Variants in FUBP1 observed in about 807,000 individuals in gnomAD.
The protein encoded by FUBP1 is far upstream element binding protein 1, also known as far upstream element-binding protein 1.
In FUBP1, 16 loss-of-function variants were observed where a neutral mutation model predicts 94.9. The ratio of observed to expected loss-of-function variants is 0.17; its 90% CI spans 0.11 to 0.26. The LOEUF (loss-of-function observed/expected upper bound fraction) is 0.26. FUBP1 is among the 10% of genes least tolerant of loss of function. The probability of loss-of-function intolerance (pLI) is 1.00; values close to 1 mark genes in which losing one functional copy is unlikely to be tolerated. For missense variants in FUBP1, 583 were observed against 808.6 expected (o/e 0.72, Z 3.38); for synonymous variants, 279 against 254.9 (o/e 1.09, Z -0.90).
At chr1:77,959,162 T>C (rs934702680) in intron 16 of FUBP1, among the ~76,000 whole-genome samples, 1 of 152,196 alleles carries the variant, frequency 6.6e-6, no homozygotes, top group Admixed American at 6.5e-5. Context: ...GTAGAAAGTA[T>C]TCCATAATTG....
At position 77,946,312 on chromosome 1, in the gene FUBP1, TA is replaced by T. The variant is rs949021020; in HGVS notation, c.*2453del. 5.1e-4 allele frequency among the ~76,000 whole-genome samples: 70 copies of T among 135,940 alleles called. No homozygotes were observed. The highest frequency in any genetic ancestry group is 4.7e-4 in the Non-Finnish European group (29 of 61,770). The allele number at this position is 135,940 out of a possible 152,430, so 89.2% of individuals were successfully genotyped here. The stretch of plus-strand genomic sequence containing the variant: ...TCTACTCATCATTTTCTTGTCTTAA[TA>T]AAAAAAAAAAAGTAAAATAAAAAAC... On this transcript the variant is annotated 3_prime_UTR_variant, in exon 20 of 20. Transcript: ENST00000370768.
At chr1:77,959,669 G>A (rs897233473) in intron 16 of FUBP1, among the ~76,000 whole-genome samples, 29 of 152,162 alleles carry the variant, frequency 1.9e-4, no homozygotes, top group African/African-American at 6.5e-4. Context: ...TCAGCCTCAA[G>A]TACAGGCACA....
chr1:77,969,030 GGA>G, intron 2 of FUBP1: 4 of 1,258,838 alleles, frequency 3.2e-6, no homozygotes, highest in Non-Finnish European at 4.2e-6. Context: ...GCCTTTAAAA[GGA>G]GAGGGCATTC....
intron 1 of FUBP1, among the ~76,000 whole-genome samples, chr1:77,972,586 TAAA>T (rs1657772497): frequency 1.1e-5 from 1 of 92,798 alleles, no homozygotes; most frequent in Non-Finnish European, 2.1e-5. Flanking sequence ...CCACCTCTAC[TAAA>T]AATACAAAAA....
intron 1 of FUBP1, among the ~76,000 whole-genome samples, chr1:77,976,066 G>A (rs1012325243): frequency 4.6e-5 from 7 of 152,194 alleles, no homozygotes; most frequent in African/African-American, 1.7e-4. Flanking sequence ...TTGAGAGCAG[G>A]AAACTATGCC....
At chr1:77,957,185 G>A (rs1654628361) in intron 16 of FUBP1, among the ~76,000 whole-genome samples, 1 of 152,134 alleles carries the variant, frequency 6.6e-6, no homozygotes, top group Non-Finnish European at 1.5e-5. Flanking sequence ...AAAAAGATTA[G>A]CCACATTTCA....
chr1:77,979,004 T>TG lies in FUBP1; in HGVS notation c.-1dup, dbSNP rs772629959. 1.9e-6 allele frequency: 3 copies of TG among 1,610,916 alleles called. No homozygotes were observed. The Admixed American group carries it at 5.0e-5, about 27-fold the overall frequency. On this transcript the variant is annotated 5_prime_UTR_variant, in exon 1 of 20. Coordinates refer to ENST00000370768, the MANE Select transcript of FUBP1 (RefSeq NM_003902.5). The stretch of plus-strand genomic sequence containing the variant: ...GGAGGCACTGTTGAATAGTCTGCCA[T>TG]GGTTGCACTATAAGAGCCGCTGCCG...
At chr1:77,961,968 AAC>A (rs1379286255) in intron 14 of FUBP1, among the ~76,000 whole-genome samples, 3 of 152,154 alleles carry the variant, frequency 2.0e-5, no homozygotes, top group African/African-American at 7.2e-5. Context: ...AGTTGACAGA[AAC>A]AGTGTCAACC....
At chr1:77,979,271 C>G, upstream of FUBP1, 3 of 443,470 alleles carry the variant, frequency 6.8e-6, no homozygotes, top group East Asian at 1.1e-4. Context: ...TCTTTTGGCA[C>G]CTCCTCTCCG....
chr1:77,963,516 G>C (rs1655908876), intron 13 of FUBP1, 58 bp downstream of exon 13: 1 of 999,664 alleles, frequency 1.0e-6, no homozygotes, highest in Non-Finnish European at 1.5e-6. Flanking sequence ...GACAGCAACA[G>C]AAAGTGTCCA....
intron 1 of FUBP1, among the ~76,000 whole-genome samples, chr1:77,974,563 C>T (rs1415245465): frequency 6.6e-6 from 1 of 152,122 alleles, no homozygotes; most frequent in Non-Finnish European, 1.5e-5. Context: ...GCCACCTTGG[C>T]TAGCTGATTT....
At position 77,951,323 on chromosome 1, in the gene FUBP1, TA is replaced by T. The variant is rs571377112; in HGVS notation, c.1781-2024del. On this transcript the variant is annotated intron_variant, in intron 18 of 19. Coordinates refer to ENST00000370768, the MANE Select transcript of FUBP1 (RefSeq NM_003902.5). Reference sequence around the variant, plus strand: ...CTATATCCCTGTGGAAAGCTAATAGTAAACACTTTAGACTTTAAGAAAAACC... The same window carrying T: ...CTATATCCCTGTGGAAAGCTAATAGTAACACTTTAGACTTTAAGAAAAACC... 5.8e-3 allele frequency among the ~76,000 whole-genome samples: 888 copies of T among 152,356 alleles called. 4 individuals are homozygous for T. The highest frequency in any genetic ancestry group is 0.01 in the Non-Finnish European group (714 of 68,030).
In FUBP1 at chr1:77,967,718, T is replaced by C. The variant is rs1315508205; in HGVS notation, c.251-52A>G. ...ACAAAAATTCAAAATTTAAATTTAC[T>C]TATATATTTAACAACACAATCACAT... On this transcript the variant is annotated intron_variant, in intron 3 of 19. Coordinates refer to ENST00000370768, the MANE Select transcript of FUBP1 (RefSeq NM_003902.5). 7 of 1,059,534 alleles carry C rather than the reference T, an allele frequency of 6.6e-6. No individual in the cohort carries two copies. The Admixed American group carries it at 1.4e-4, about 21-fold the overall frequency. The allele number at this position is 1,059,534 out of a possible 1,614,324, so 65.6% of individuals were successfully genotyped here.
At chr1:77,959,822 A>G (rs1655128651) in intron 16 of FUBP1, among the ~76,000 whole-genome samples, 1 of 152,220 alleles carries the variant, frequency 6.6e-6, no homozygotes, top group Admixed American at 6.5e-5. Flanking sequence ...CCCCTATCAC[A>G]TACTTTTCTA....
chr1:77,975,996 TAAC>T (rs923976008), intron 1 of FUBP1, among the ~76,000 whole-genome samples: 4 of 152,210 alleles, frequency 2.6e-5, no homozygotes, highest in Middle Eastern at 3.2e-3. Context: ...CTTTTCTGAA[TAAC>T]AACTATCCAG....
In FUBP1 at chr1:77,951,999, CCTTT is replaced by C. The variant is rs982621572; in HGVS notation, c.1781-2703_1781-2700del. ...TTCACTTCTCCAAACAAGAATTACT[CCTTT>C]CTATTTTGAAACCCTGTTTGTTCTC... On this transcript the variant is annotated intron_variant, in intron 18 of 19. Coordinates refer to ENST00000370768, the MANE Select transcript of FUBP1 (RefSeq NM_003902.5). Among the ~76,000 whole-genome samples, 11 of 152,230 alleles carry C rather than the reference CCTTT, an allele frequency of 7.2e-5. 1 individual carries two copies. Among genetic ancestry groups the C allele is most frequent in the South Asian group, 6.2e-4 (3 of 4,824 alleles).
At chr1:77,972,087 A>G (rs1295138181) in intron 1 of FUBP1, among the ~76,000 whole-genome samples, 1 of 151,808 alleles carries the variant, frequency 6.6e-6, no homozygotes, top group Non-Finnish European at 1.5e-5. Context: ...CCAATTACAA[A>G]CCTGTTTTTG....
At chr1:77,955,416 G>C in intron 17 of FUBP1, 87 bp from the exon 18 acceptor site, 2 of 743,744 alleles carry the variant, frequency 2.7e-6, no homozygotes, top group South Asian at 1.5e-5. Context: ...GAGCTGGCAG[G>C]GGCCTGCAAT....
intron 14 of FUBP1, among the ~76,000 whole-genome samples, chr1:77,961,972 G>A (rs1480690544): frequency 2.0e-5 from 3 of 152,126 alleles, no homozygotes; most frequent in Admixed American, 2.0e-4. Flanking sequence ...GACAGAAACA[G>A]TGTCAACCTT....
Sources: gnomAD v4.1 joint callset for allele counts (sites outside exome capture counted in the v4.1 genomes callset) on GRCh38, gnomAD v4.1.1 for gene constraint, MANE v1.5 for transcripts, NCBI Gene and HGNC (gene_info 2026-07-23, HGNC 2026-07-21) for gene names.